The following INPP5B variants were observed in gnomAD, a reference collection of about 807,000 sequenced individuals.
INPP5B encodes inositol polyphosphate-5-phosphatase B.
INPP5B carries 90 observed loss-of-function variants against 118.5 expected under a neutral mutation model. That is an observed-to-expected ratio of 0.76 (90% CI 0.64 to 0.90). The LOEUF is 0.90. Ranked by LOEUF, INPP5B falls within the 40% of genes least tolerant of loss-of-function variation. INPP5B has a pLI of 0.00. For synonymous variants in INPP5B, 385 were observed against 418.9 expected (o/e 0.92, Z 0.99); for missense variants, 984 against 1,125.6 (o/e 0.87, Z 1.80).
chr1:37,885,869 T>C, intron 12 of INPP5B, 44 bp from the exon 13 acceptor site: 1 of 1,574,996 alleles, frequency 6.3e-7, no homozygotes, highest in Non-Finnish European at 8.7e-7. Flanking sequence ...AACTTAATTG[T>C]GTCAGTCACT....
chr1:37,932,363 C>CTTTTTTTTT (rs58150703), intron 6 of INPP5B, among the ~76,000 whole-genome samples: 138 of 87,656 alleles, frequency 1.6e-3, no homozygotes, highest in Middle Eastern at 8.1e-3. Context: ...CTTTTCTTTT[C>CTTTTTTTTT]TTTTTTTTTT....
chr1:37,930,526 C>T (rs1226927140), intron 7 of INPP5B: 1 of 152,262 alleles, frequency 6.6e-6, no homozygotes, highest in Non-Finnish European at 1.5e-5. Context: ...TGTGAAGGGG[C>T]AAGGAGATGA....
At chr1:37,928,949 C>A (rs532136518) in intron 7 of INPP5B, 1 of 151,932 alleles carries the variant, frequency 6.6e-6, no homozygotes, top group Non-Finnish European at 1.5e-5. Context: ...GTTCTTCCCA[C>A]CTGTTATAGA....
rs563218548 is a variant in INPP5B at position 37,941,548 on chromosome 1, G to T, written c.281-750C>A. Among the ~76,000 whole-genome samples the T allele has an allele frequency of 2.2e-4, 34 of 152,080 alleles. No homozygotes were observed. In the South Asian group the frequency reaches 3.7e-3, roughly 17 times the overall value. Reference sequence around the variant, plus strand: ...CCCAGCTACTTGGGAGGCTGAGGTGGGAGGATCGCTTGAGCCCAGGAGGTT... The same window carrying T: ...CCCAGCTACTTGGGAGGCTGAGGTGTGAGGATCGCTTGAGCCCAGGAGGTT... On this transcript the variant is annotated intron_variant, in intron 5 of 23. Transcript: ENST00000373024.
chr1:37,931,382 G>A, intron 7 of INPP5B: 1 of 1,395,790 alleles, frequency 7.2e-7, no homozygotes, highest in Non-Finnish European at 9.5e-7. Context: ...CCCAGAGAGG[G>A]GCAGCGAGTG....
Position 37,887,387 on chromosome 1 carries a change from C to T in INPP5B, c.978G>A (p.Val326=). The T allele has an allele frequency of 6.2e-7, 1 of 1,613,608 alleles. No homozygotes were observed. The highest frequency in any genetic ancestry group is 8.5e-7 in the Non-Finnish European group (1 of 1,179,558). ...TPKEEEWFKA[V]SEGLHPDAKY... The stretch of plus-strand genomic sequence containing the variant: ...TGGCATCTGGATGAAGACCCTCTGA[C>T]ACAGCTTTGAACCACTCTTCCTCCT... The change falls in exon 11 of 24, where the codon GTG becomes GTA. Residue 326 remains valine (V), a synonymous_variant. Coordinates refer to ENST00000373024, the MANE Select transcript of INPP5B (RefSeq NM_005540.3).
At chr1:37,905,838 CTT>C (rs976001890) in intron 7 of INPP5B, among the ~76,000 whole-genome samples, 1 of 152,182 alleles carries the variant, frequency 6.6e-6, no homozygotes, top group Non-Finnish European at 1.5e-5. Context: ...ATCTTTTTGA[CTT>C]TGCTTAAAAC....
intron 6 of INPP5B, 144 bp from the exon 7 acceptor site, chr1:37,932,197 A>G: frequency 1.1e-6 from 1 of 870,314 alleles, no homozygotes; most frequent in Non-Finnish European, 1.7e-6. Flanking sequence ...TGCAAGAATA[A>G]TTGTGAACAC....
At chr1:37,899,107 A>C (rs949386388) in intron 7 of INPP5B, among the ~76,000 whole-genome samples, 1 of 145,728 alleles carries the variant, frequency 6.9e-6, no homozygotes, top group Non-Finnish European at 1.5e-5. Flanking sequence ...CTTGAACCCG[A>C]GAGGCGGAGG....
rs772615679 is a variant in INPP5B, at chr1:37,885,799, C to T, written c.1158G>A (p.Arg386=). The T allele has an allele frequency of 1.2e-6, 2 of 1,614,146 alleles. No individual in the cohort carries two copies. Among genetic ancestry groups the T allele is most frequent in the Non-Finnish European group, 1.7e-6 (2 of 1,179,998 alleles). The change falls in exon 13 of 24, where the codon AGG becomes AGA. Residue 386 remains arginine (R), a synonymous_variant. Transcript: ENST00000373024. ...RMGNKGGVAI[R]FQFHNTSICV... Reference sequence around the variant, plus strand: ...AGATGCTGGTGTTGTGGAACTGGAACCTGATCGCCACGCCTCCCTTGTTGC... The same window carrying T: ...AGATGCTGGTGTTGTGGAACTGGAATCTGATCGCCACGCCTCCCTTGTTGC...
intron 7 of INPP5B, among the ~76,000 whole-genome samples, chr1:37,899,989 C>G (rs902946049): frequency 6.6e-6 from 1 of 152,000 alleles, no homozygotes; most frequent in Non-Finnish European, 1.5e-5. Flanking sequence ...GCTAGGATTA[C>G]AGGCGTGAGC....
intron 16 of INPP5B, among the ~76,000 whole-genome samples, chr1:37,876,467 C>T (rs1324082884): frequency 1.4e-5 from 2 of 141,886 alleles, no homozygotes; most frequent in Non-Finnish European, 3.0e-5. Context: ...AATCCCAGCA[C>T]TTGGGGTAGC....
chr1:37,945,949 T>C, intron 2 of INPP5B, 99 bp from the exon 3 acceptor site: 2 of 1,108,380 alleles, frequency 1.8e-6, no homozygotes, highest in Non-Finnish European at 2.7e-6. Flanking sequence ...CCAGATTCAC[T>C]GTGTGGCCTT....
At chr1:37,936,211 T>TC (rs1465288098) in intron 6 of INPP5B, among the ~76,000 whole-genome samples, 3 of 151,980 alleles carry the variant, frequency 2.0e-5, no homozygotes, top group Non-Finnish European at 4.4e-5. Flanking sequence ...ACCCTCCTCT[T>TC]CCCCCAAGTT....
At chr1:37,917,031 C>G (rs184595110) in intron 7 of INPP5B, among the ~76,000 whole-genome samples, 7 of 150,978 alleles carry the variant, frequency 4.6e-5, no homozygotes, top group Non-Finnish European at 1.0e-4. Flanking sequence ...TGGCTCATGC[C>G]TGTAATCCTA....
chr1:37,915,977 T>C (rs1268716786), intron 7 of INPP5B, among the ~76,000 whole-genome samples: 3 of 152,236 alleles, frequency 2.0e-5, no homozygotes, highest in Non-Finnish European at 4.4e-5. Context: ...AGAGGTGTTC[T>C]AGAAGCCAAA....
chr1:37,887,418 G>A lies in INPP5B; in HGVS notation c.947C>T (p.Thr316Ile). 6.2e-7 allele frequency: 1 copy of A among 1,613,710 alleles called. No individual in the cohort carries two copies. The highest frequency in any genetic ancestry group is 2.2e-5 in the East Asian group (1 of 44,880). Residue 316 changes from threonine to isoleucine, a missense_variant, in exon 11 of 24, where the codon ACC (threonine) becomes ATC (isoleucine). Physicochemically the swap from Thr to Ile is moderately conservative, Grantham distance 89. This residue lies in a region of INPP5B where 634 missense variants were observed against 791.0 expected (regional missense o/e 0.80). Transcript: ENST00000373024. ...TTTGAACCACTCTTCCTCCTTTGGGGTATCGTGAAAGAAAAAAGCTTCCTT... is the reference window on the plus strand; with the variant it reads ...TTTGAACCACTCTTCCTCCTTTGGGATATCGTGAAAGAAAAAAGCTTCCTT... ...LSKEAFFFHD[T>I]PKEEEWFKAV...
At position 37,887,008 on chromosome 1, in the gene INPP5B, G is replaced by A. The variant is rs1307859593; in HGVS notation, c.1015-4C>T. The stretch of plus-strand genomic sequence containing the variant: ...CAACCAGTCGGATAAGCTTCACCTG[G>A]AAAAGAGAGACATGGCATTAAATAG... On this transcript the variant is annotated splice_polypyrimidine_tract_variant and splice_region_variant and intron_variant, in intron 11 of 23. Transcript: ENST00000373024. The A allele has an allele frequency of 1.2e-6, 2 of 1,610,398 alleles. No individual in the cohort carries two copies. The highest frequency in any genetic ancestry group is 1.7e-6 in the Non-Finnish European group (2 of 1,176,932).
At chr1:37,866,372 C>A in intron 21 of INPP5B, 87 bp downstream of exon 21, 2 of 697,214 alleles carry the variant, frequency 2.9e-6, no homozygotes, top group East Asian at 2.6e-5. Context: ...TTTTCTCACC[C>A]CTCTCACTCA....
Sources: gnomAD v4.1 joint callset for allele counts (sites outside exome capture counted in the v4.1 genomes callset) on GRCh38, gnomAD v4.1.1 for gene constraint, gnomAD v4.1.1 regional missense constraint, MANE v1.5 for transcripts, NCBI Gene and HGNC (gene_info 2026-07-23, HGNC 2026-07-21) for gene names.